The following NBEAL1 variants were observed in gnomAD, a reference collection of about 807,000 sequenced individuals.
NBEAL1 encodes the protein neurobeachin like 1.
NBEAL1 carries 273 observed loss-of-function variants against 351.3 expected under a neutral mutation model. That is an observed-to-expected ratio of 0.78 (90% CI 0.70 to 0.86). The LOEUF is 0.86. Among genes scored for constraint, NBEAL1 ranks in the 40% least tolerant of loss-of-function variants. The pLI is 0.00. For missense variants in NBEAL1, 2,961 were observed against 3,201.3 expected, an observed-to-expected ratio of 0.92 and a Z score of 1.81; for synonymous variants, 1,050 against 1,086.4, an observed-to-expected ratio of 0.97 and a Z score of 0.66.
chr2:203,172,929 C>A, intron 41 of NBEAL1, 76 bp downstream of exon 41: 3 of 1,369,982 alleles, frequency 2.2e-6, no homozygotes, highest in Non-Finnish European at 1.9e-6. Flanking sequence ...TATGGCCAAC[C>A]AAAAAAATTT....
chr2:203,117,500 AT>A (rs2062727723), intron 18 of NBEAL1, among the ~76,000 whole-genome samples: 1 of 152,148 alleles, frequency 6.6e-6, no homozygotes, highest in South Asian at 2.1e-4. Context: ...AAACCAAAAC[AT>A]TTTCTGAGTC....
chr2:203,071,223 GA>G (rs2061676967), intron 7 of NBEAL1, among the ~76,000 whole-genome samples: 1 of 152,114 alleles, frequency 6.6e-6, no homozygotes, highest in African/African-American at 2.4e-5. Flanking sequence ...TTAAATAACA[GA>G]AATTTGTTTC....
At chr2:203,211,335 T>TATATATATATATATATA (rs2065784167) in intron 54 of NBEAL1, among the ~76,000 whole-genome samples, 1 of 152,032 alleles carries the variant, frequency 6.6e-6, no homozygotes, top group Non-Finnish European at 1.5e-5. Flanking sequence ...TATATATATT[T>TATATATATATATATATA]TACCGCAATT....
rs1404903377 is a variant in NBEAL1, at chr2:203,068,374, A to G, written c.516-19A>G. 2 of 1,389,532 alleles carry G rather than the reference A, an allele frequency of 1.4e-6. No individual in the cohort carries two copies. Among genetic ancestry groups the G allele is most frequent in the Non-Finnish European group, 2.0e-6 (2 of 1,021,724 alleles). 86.1% of individuals were successfully genotyped at this position (1,389,532 alleles called of 1,614,324 possible). A position where few individuals can be genotyped will look rare whatever the true frequency, so the allele number is the denominator to read the frequency against. On this transcript the variant is annotated intron_variant, in intron 6 of 55. Coordinates refer to ENST00000683969, the MANE Select transcript of NBEAL1 (RefSeq NM_001378026.1). ...CTTGCCCATGTTGTAACTTATTATT[A>G]ACTTCTTTTTAATGATAGACGAATC...
At chr2:203,109,968 A>G (rs752150881) in intron 14 of NBEAL1, among the ~76,000 whole-genome samples, 182 bp from the exon 15 acceptor site, 6 of 152,148 alleles carry the variant, frequency 3.9e-5, no homozygotes, top group Non-Finnish European at 5.9e-5. Flanking sequence ...CTAAACTCTT[A>G]TGACCAAAAT....
At chr2:203,096,505 A>T (rs980221607) in intron 10 of NBEAL1, among the ~76,000 whole-genome samples, 1 of 152,112 alleles carries the variant, frequency 6.6e-6, no homozygotes, top group African/African-American at 2.4e-5. Flanking sequence ...TTTTTTTCAA[A>T]TTGTGGGCAA....
chr2:203,176,671 G>C (rs974946592), intron 42 of NBEAL1, among the ~76,000 whole-genome samples: 3 of 150,730 alleles, frequency 2.0e-5, no homozygotes, highest in Admixed American at 2.0e-4. Flanking sequence ...GGCGGAGGTT[G>C]CAGTGAGCTG....
intron 49 of NBEAL1, among the ~76,000 whole-genome samples, chr2:203,200,520 T>TAACATA (rs2065367293): frequency 1.6e-5 from 2 of 123,224 alleles, no homozygotes; most frequent in Admixed American, 7.9e-5. Context: ...CTCAAAAAAA[T>TAACATA]AAAATAAAAA....
intron 11 of NBEAL1, among the ~76,000 whole-genome samples, chr2:203,098,038 GTGA>G (rs1224897440): frequency 2.0e-5 from 3 of 152,106 alleles, no homozygotes; most frequent in African/African-American, 7.2e-5. Context: ...TTATTGACAA[GTGA>G]TGATTATAAT....
chr2:203,075,655 C>A (rs960944914), intron 7 of NBEAL1, among the ~76,000 whole-genome samples: 4 of 152,212 alleles, frequency 2.6e-5, no homozygotes, highest in African/African-American at 9.7e-5. Flanking sequence ...TTCCAGTTGC[C>A]TGGGCCTCTC....
intron 16 of NBEAL1, among the ~76,000 whole-genome samples, chr2:203,112,574 G>T (rs1048666910): frequency 6.6e-6 from 1 of 152,110 alleles, no homozygotes. Flanking sequence ...GAAGATAGTG[G>T]AATAGAGTAG....
intron 47 of NBEAL1, among the ~76,000 whole-genome samples, chr2:203,196,404 G>T (rs2065242327): frequency 6.6e-6 from 1 of 152,168 alleles, no homozygotes; most frequent in African/African-American, 2.4e-5. Flanking sequence ...GTATTAATAT[G>T]AAAAGAGAAG....
chr2:203,156,182 C>T (rs1185377778), intron 35 of NBEAL1, among the ~76,000 whole-genome samples: 1 of 152,188 alleles, frequency 6.6e-6, no homozygotes, highest in Non-Finnish European at 1.5e-5. Context: ...CCATGAGTCT[C>T]TCCTCATATC....
chr2:203,135,745 C>T lies in NBEAL1; in HGVS notation c.3882C>T (p.Asp1294=), dbSNP rs766968862. The change falls in exon 28 of 56, where the codon GAC becomes GAT. Residue 1294 remains aspartate, a synonymous_variant. Transcript: ENST00000683969. ...TATCACAGCAAGTGGGTTGGCAAGA[C>T]ACCTTAGTTAGGCTTTTTTTAAAAG... ...HQISQQVGWQ[D]TLVRLFLKAK... 1.1e-5 allele frequency: 18 copies of T among 1,582,516 alleles called. No homozygotes were observed. The Admixed American group carries it at 3.0e-4, about 26-fold the overall frequency.
At chr2:203,119,424 C>CTTTTTTTTTTTTTTGTTGTTTTT (rs2062777324) in intron 18 of NBEAL1, among the ~76,000 whole-genome samples, 1 of 66,656 alleles carries the variant, frequency 1.5e-5, no homozygotes, top group Non-Finnish European at 2.6e-5. Context: ...CGGCCTGTTG[C>CTTTTTTTTTTTTTTGTTGTTTTT]TTTTTTTTTT....
In NBEAL1 at chr2:203,062,296, G is replaced by T. The variant is rs1404631602; in HGVS notation, c.515+4843G>T. 9.3e-5 allele frequency: 44 copies of T among 474,644 alleles called. 1 individual carries two copies. In the Admixed American group the frequency reaches 9.8e-4, roughly 11 times the overall value. The allele number at this position is 474,644 out of a possible 1,614,324, so 29.4% of individuals were successfully genotyped here. On this transcript the variant is annotated intron_variant, in intron 6 of 55. Transcript: ENST00000683969. This position sits in a 1 kb window ranked among gnomAD's most constrained non-coding sequence, Gnocchi z 4.2. ...TTCTGTAGAAGCCAAATTCCTGAAG[G>T]TTTCCTGCGTCACATCTCTATAAGA...
intron 12 of NBEAL1, among the ~76,000 whole-genome samples, chr2:203,105,389 C>T (rs1273402891): frequency 6.6e-6 from 1 of 151,846 alleles, no homozygotes; most frequent in Non-Finnish European, 1.5e-5. Flanking sequence ...TGGTGTGAAA[C>T]CTGGAGGTGG....
At chr2:203,079,963 T>C (rs962502758) in intron 8 of NBEAL1, among the ~76,000 whole-genome samples, 6 of 152,242 alleles carry the variant, frequency 3.9e-5, no homozygotes, top group African/African-American at 1.4e-4. Flanking sequence ...CATTTCTTAG[T>C]CTGTTTGGAG....
chr2:203,019,262 CTA>C (rs1036726901), intron 2 of NBEAL1, among the ~76,000 whole-genome samples: 1 of 152,032 alleles, frequency 6.6e-6, no homozygotes, highest in African/African-American at 2.4e-5. Context: ...TGATTTTTGC[CTA>C]TATGTGTTAT....
Sources: allele counts gnomAD v4.1 joint callset (sites outside exome capture counted in the v4.1 genomes callset), GRCh38; gene constraint gnomAD v4.1.1; non-coding constraint Gnocchi (gnomAD v3.1); transcripts MANE v1.5; gene names NCBI Gene and HGNC (gene_info 2026-07-23, HGNC 2026-07-21).